The following ZFHX3 variants were observed in gnomAD, a reference collection of about 807,000 sequenced individuals.
ZFHX3 encodes the protein zinc finger homeobox 3.
In ZFHX3, 42 loss-of-function variants were observed where a neutral mutation model predicts 279.1. The ratio of observed to expected loss-of-function variants is 0.15; its 90% CI spans 0.12 to 0.19. The LOEUF is 0.19. Among genes scored for constraint, ZFHX3 ranks in the 10% least tolerant of loss-of-function variants. The probability of loss-of-function intolerance (pLI) is 1.00; values close to 1 mark genes in which losing one functional copy is unlikely to be tolerated. For missense variants in ZFHX3, 4,981 were observed against 4,754.0 expected (o/e 1.05, Z -1.40); for synonymous variants, 2,293 against 1,957.8 (o/e 1.17, Z -4.52).
intron 2 of ZFHX3, among the ~76,000 whole-genome samples, chr16:73,456,769 T>A (rs1024839923): frequency 1.3e-5 from 2 of 152,228 alleles, no homozygotes; most frequent in Non-Finnish European, 2.9e-5. Context: ...TGGAAAAGAT[T>A]TAATCAAGCT....
intron 4 of ZFHX3, among the ~76,000 whole-genome samples, chr16:73,286,198 C>G (rs1351558567): frequency 6.6e-6 from 1 of 152,066 alleles, no homozygotes; most frequent in Non-Finnish European, 1.5e-5. Flanking sequence ...CCCCTCTCCC[C>G]CTCCTCCTGC....
Position 72,960,183 on chromosome 16 carries a change from G to A in ZFHX3, c.-38C>T, listed in dbSNP as rs757356882. The A allele has an allele frequency of 1.2e-5, 18 of 1,513,632 alleles. No individual in the cohort carries two copies. The highest frequency in any genetic ancestry group is 1.8e-4 in the Middle Eastern group (1 of 5,606). The allele number at this position is 1,513,632 out of a possible 1,614,324, so 93.8% of individuals were successfully genotyped here. A position where few individuals can be genotyped will look rare whatever the true frequency, so the allele number is the denominator to read the frequency against. ...GTGGAGCTTTCATTGCACCCAGTAC[G>A]GAGGCTCGGACCTGAAGGGCAGAGG... On this transcript the variant is annotated 5_prime_UTR_variant, in exon 2 of 10. Transcript: ENST00000268489.
chr16:72,987,790 T>C (rs958316374), intron 1 of ZFHX3, among the ~76,000 whole-genome samples: 2 of 152,188 alleles, frequency 1.3e-5, no homozygotes, highest in Non-Finnish European at 2.9e-5. Context: ...GAGGAACTAT[T>C]TGGCAACCAG....
At chr16:72,819,599 T>TAA (rs1399823962) in intron 5 of ZFHX3, among the ~76,000 whole-genome samples, 1 of 152,162 alleles carries the variant, frequency 6.6e-6, no homozygotes, top group Non-Finnish European at 1.5e-5. Context: ...AGGCTTTGTG[T>TAA]AATAGGTAGG....
exon 6 of ZFHX3, chr16:73,143,829 G>A (rs377319083): frequency 8.6e-6 from 11 of 1,285,800 alleles, no homozygotes; most frequent in African/African-American, 3.1e-5. Flanking sequence ...TATATCTTCC[G>A]AGCTGAAGAA....
chr16:72,973,233 T>C (rs1382918121), intron 1 of ZFHX3: 1 of 152,244 alleles, frequency 6.6e-6, no homozygotes, highest in South Asian at 2.1e-4. Context: ...GAAGGAACTT[T>C]TGGTGCCATC....
At chr16:73,717,539 TAAATGCATTTTTGACGCTCAAACA>T (rs1327774780) in intron 1 of ZFHX3, among the ~76,000 whole-genome samples, 1 of 152,176 alleles carries the variant, frequency 6.6e-6, no homozygotes, top group Non-Finnish European at 1.5e-5. Flanking sequence ...AAAACTACAC[TAAATGCATTTTTGACGCTCAAACA>T]AGCCTTTTGA....
chr16:72,929,284 C>T (rs926235597), intron 3 of ZFHX3, among the ~76,000 whole-genome samples: 1 of 150,710 alleles, frequency 6.6e-6, no homozygotes, highest in Admixed American at 6.6e-5. Flanking sequence ...CAAATTCTTA[C>T]TGCTTAACTC....
At chr16:72,934,270 C>T (rs1197786288) in intron 3 of ZFHX3, among the ~76,000 whole-genome samples, 1 of 151,804 alleles carries the variant, frequency 6.6e-6, no homozygotes, top group African/African-American at 2.4e-5. Flanking sequence ...GTTAAAAATA[C>T]AAAAAAAGTT....
intron 2 of ZFHX3, among the ~76,000 whole-genome samples, chr16:73,620,748 GA>G (rs2052350813): frequency 6.6e-6 from 1 of 152,064 alleles, no homozygotes; most frequent in African/African-American, 2.4e-5. Flanking sequence ...TAATATCTTT[GA>G]ATCCTACAAA....
At chr16:73,564,370 C>T (rs1158855654) in intron 2 of ZFHX3, among the ~76,000 whole-genome samples, 1 of 152,192 alleles carries the variant, frequency 6.6e-6, no homozygotes, top group Admixed American at 6.5e-5. Context: ...TCCCAGTTCT[C>T]ATCCAAAATG....
intron 1 of ZFHX3, among the ~76,000 whole-genome samples, chr16:73,748,473 C>A (rs941728770): frequency 6.6e-6 from 1 of 152,164 alleles, no homozygotes; most frequent in Non-Finnish European, 1.5e-5. Context: ...CATTCATTGA[C>A]ATTCTCCAAA....
intron 1 of ZFHX3, among the ~76,000 whole-genome samples, chr16:73,838,463 T>G (rs1200504068): frequency 2.0e-5 from 3 of 152,192 alleles, no homozygotes; most frequent in Non-Finnish European, 4.4e-5. Context: ...CATGGTAAAA[T>G]CAGCTACATG....
chr16:72,886,824 G>C (rs1310951701), intron 4 of ZFHX3, among the ~76,000 whole-genome samples: 1 of 152,218 alleles, frequency 6.6e-6, no homozygotes, highest in East Asian at 1.9e-4. Context: ...CCTACAGCCA[G>C]ATGGCCCAGG....
intron 8 of ZFHX3, among the ~76,000 whole-genome samples, chr16:73,072,481 G>T (rs1597147683): frequency 6.6e-6 from 1 of 150,990 alleles, no homozygotes; most frequent in Non-Finnish European, 1.5e-5. Context: ...AAAAATATAG[G>T]ATCCTATTGG....
At chr16:73,771,977 T>C (rs970419735) in intron 1 of ZFHX3, among the ~76,000 whole-genome samples, 4 of 152,166 alleles carry the variant, frequency 2.6e-5, no homozygotes, top group East Asian at 1.9e-4. Flanking sequence ...CTCAAGTTTG[T>C]TCTCCCAACC....
chr16:73,508,836 C>T (rs1283600361), intron 2 of ZFHX3, among the ~76,000 whole-genome samples: 1 of 152,206 alleles, frequency 6.6e-6, no homozygotes, highest in East Asian at 1.9e-4. Flanking sequence ...TCAAAGGAGG[C>T]TGTGTCTTTG....
At chr16:73,737,344 C>T (rs1173135768) in intron 1 of ZFHX3, among the ~76,000 whole-genome samples, 1 of 152,112 alleles carries the variant, frequency 6.6e-6, no homozygotes, top group Non-Finnish European at 1.5e-5. Context: ...GCCTGTGACT[C>T]CATTCTTGAT....
rs988776954 is a variant in ZFHX3, at chr16:73,178,651, T to C, written c.-1103-34820A>G. On this transcript the variant is annotated intron_variant, in intron 5 of 17. Coordinates refer to the ZFHX3 transcript ENST00000641206. ...GCATTGAAAATTCAACACAATAGTTTATTTTATTTTTATTTTTGTTGAGAC... is the reference window on the plus strand; with the variant it reads ...GCATTGAAAATTCAACACAATAGTTCATTTTATTTTTATTTTTGTTGAGAC... Among the ~76,000 whole-genome samples, 28 of 152,328 alleles carry C rather than the reference T, an allele frequency of 1.8e-4. 1 individual carries two copies. The highest frequency in any genetic ancestry group is 1.2e-3 in the Admixed American group (19 of 15,308).
Sources: allele counts gnomAD v4.1 joint callset (sites outside exome capture counted in the v4.1 genomes callset), GRCh38; gene constraint gnomAD v4.1.1; transcripts MANE v1.5; gene names NCBI Gene and HGNC (gene_info 2026-07-23, HGNC 2026-07-21).